The following GSK3B variants were observed in gnomAD, a reference collection of about 807,000 sequenced individuals.
GSK3B encodes the protein glycogen synthase kinase-3 beta.
Under a neutral mutation model 56.4 loss-of-function variants are expected in GSK3B, and 15 were observed. The observed-to-expected ratio is 0.27, with a 90% confidence interval of 0.18 to 0.41. GSK3B has a LOEUF of 0.41. GSK3B is among the 10% of genes least tolerant of loss of function. The pLI is 1.00. For missense variants in GSK3B, 300 were observed against 513.4 expected (o/e 0.58, Z 4.02); for synonymous variants, 181 against 188.9 (o/e 0.96, Z 0.34).
chr3:119,861,571 A>G (rs1577321903), intron 9 of GSK3B, among the ~76,000 whole-genome samples: 1 of 152,104 alleles, frequency 6.6e-6, no homozygotes, highest in Non-Finnish European at 1.5e-5. Flanking sequence ...ACAACAACAA[A>G]AAAACCCCAC....
At chr3:119,830,696 T>G (rs2055584918) in intron 10 of GSK3B, among the ~76,000 whole-genome samples, 3 of 152,228 alleles carry the variant, frequency 2.0e-5, no homozygotes, top group South Asian at 4.1e-4. Context: ...AACTTCACAC[T>G]GATACATCTT....
intron 7 of GSK3B, among the ~76,000 whole-genome samples, chr3:119,880,085 G>C (rs1156421278): frequency 1.3e-5 from 2 of 151,524 alleles, no homozygotes; most frequent in African/African-American, 4.9e-5. Context: ...ATCGCCACCA[G>C]CAACATAACA....
intron 2 of GSK3B, among the ~76,000 whole-genome samples, chr3:119,952,811 T>A (rs1420947487): frequency 1.3e-5 from 2 of 151,778 alleles, no homozygotes; most frequent in African/African-American, 4.8e-5. Context: ...ATCCTCACAC[T>A]TAAAAAAAAA....
At chr3:120,063,727 CAA>C (rs58811446) in intron 1 of GSK3B, among the ~76,000 whole-genome samples, 56 of 81,688 alleles carry the variant, frequency 6.9e-4, no homozygotes, top group East Asian at 9.8e-4. Context: ...GACTCTGTCT[CAA>C]AAAAAAAAAA....
chr3:119,967,834 T>TTCTCTTTC (rs375432398), intron 2 of GSK3B, among the ~76,000 whole-genome samples: 3 of 118,920 alleles, frequency 2.5e-5, no homozygotes, highest in Admixed American at 8.7e-5. Flanking sequence ...CTCTTTCTCT[T>TTCTCTTTC]TCTCTCTCTC....
At chr3:119,873,817 A>G (rs972530901) in intron 8 of GSK3B, among the ~76,000 whole-genome samples, 3 of 152,156 alleles carry the variant, frequency 2.0e-5, no homozygotes, top group Non-Finnish European at 2.9e-5. Context: ...AGGAACCAAC[A>G]TAAGTGCACT....
chr3:119,882,182 A>G lies in GSK3B; in HGVS notation c.814-5674T>C, dbSNP rs911682920. ...TTTTTTTTTTTACTTATAACCTAAG[A>G]ATATTCCTAATAGAAGCAAATCTGT... On this transcript the variant is annotated intron_variant, in intron 7 of 10. Transcript: ENST00000264235. 1.2e-4 allele frequency among the ~76,000 whole-genome samples: 18 copies of G among 152,164 alleles called. No individual in the cohort carries two copies. In the East Asian group the frequency reaches 3.5e-3, roughly 29 times the overall value.
At chr3:120,057,707 G>C (rs1191824616) in intron 1 of GSK3B, among the ~76,000 whole-genome samples, 1 of 152,102 alleles carries the variant, frequency 6.6e-6, no homozygotes. Flanking sequence ...AGAAATTTTA[G>C]GTATGTTCCA....
chr3:119,969,085 A>G (rs573396009), intron 2 of GSK3B, among the ~76,000 whole-genome samples: 1 of 152,282 alleles, frequency 6.6e-6, no homozygotes, highest in Admixed American at 6.5e-5. Flanking sequence ...TGAGGTCAGG[A>G]GTTCAAGACA....
At chr3:119,916,945 A>C (rs1310755465) in intron 4 of GSK3B, among the ~76,000 whole-genome samples, 1 of 152,170 alleles carries the variant, frequency 6.6e-6, no homozygotes, top group African/African-American at 2.4e-5. Context: ...CAGACTCTTG[A>C]CTGGAGGAGA....
chr3:120,062,664 A>C (rs1013364233), intron 1 of GSK3B, among the ~76,000 whole-genome samples: 2 of 152,206 alleles, frequency 1.3e-5, no homozygotes, highest in African/African-American at 2.4e-5. Flanking sequence ...AAGAATGAGG[A>C]GGTAGTCGCT....
chr3:119,931,744 C>T (rs998771868), intron 3 of GSK3B, among the ~76,000 whole-genome samples: 1 of 152,134 alleles, frequency 6.6e-6, no homozygotes, highest in African/African-American at 2.4e-5. Context: ...ATAACTGATA[C>T]TAGGTTTCCA....
At chr3:119,845,517 A>G (rs2055842835) in intron 9 of GSK3B, among the ~76,000 whole-genome samples, 1 of 152,024 alleles carries the variant, frequency 6.6e-6, no homozygotes, top group Non-Finnish European at 1.5e-5. Flanking sequence ...TTATACACCA[A>G]TAACAGACAG....
At position 119,977,778 on chromosome 3, in the gene GSK3B, G is replaced by GA. The variant is rs1169759157; in HGVS notation, c.282+24267dup. On this transcript the variant is annotated intron_variant, in intron 2 of 10. Coordinates refer to ENST00000264235, the MANE Select transcript of GSK3B (RefSeq NM_001146156.2). ...TAAGAGAGTATAAAACCAATAGGGGGAAAAAATTTGACGTATAGCAGTGTG... is the reference window on the plus strand; with the variant it reads ...TAAGAGAGTATAAAACCAATAGGGGGAAAAAAATTTGACGTATAGCAGTGTG... 1.2e-4 allele frequency among the ~76,000 whole-genome samples: 18 copies of GA among 152,222 alleles called. No individual in the cohort carries two copies. In the East Asian group the frequency reaches 3.5e-3, roughly 29 times the overall value.
At chr3:119,849,531 T>C (rs1368270789) in intron 9 of GSK3B, among the ~76,000 whole-genome samples, 1 of 152,230 alleles carries the variant, frequency 6.6e-6, no homozygotes, top group African/African-American at 2.4e-5. Flanking sequence ...CTGTGGTCCC[T>C]CTCCTTATGG....
chr3:119,843,918 T>G (rs575715197), intron 9 of GSK3B, among the ~76,000 whole-genome samples: 1 of 152,168 alleles, frequency 6.6e-6, no homozygotes, highest in South Asian at 2.1e-4. Context: ...GACCACATAA[T>G]TGGAAGTAAA....
intron 10 of GSK3B, among the ~76,000 whole-genome samples, chr3:119,830,236 T>C (rs2055577637): frequency 1.3e-5 from 2 of 152,184 alleles, no homozygotes; most frequent in Admixed American, 1.3e-4. Context: ...TCTTGGTGGC[T>C]GGGAAGAAAC....
intron 2 of GSK3B, among the ~76,000 whole-genome samples, chr3:119,990,261 G>A (rs1456115064): frequency 6.6e-6 from 1 of 150,840 alleles, no homozygotes; most frequent in African/African-American, 2.4e-5. Flanking sequence ...CCTCCTCCCA[G>A]AGAGATTCTA....
chr3:120,088,530 G>C (rs888555649), intron 1 of GSK3B, among the ~76,000 whole-genome samples: 1 of 152,080 alleles, frequency 6.6e-6, no homozygotes, highest in African/African-American at 2.4e-5. Context: ...AAGATAAAAT[G>C]CCAAGAGTGC....
Sources: gnomAD v4.1 joint callset for allele counts (sites outside exome capture counted in the v4.1 genomes callset) on GRCh38, gnomAD v4.1.1 for gene constraint, MANE v1.5 for transcripts, NCBI Gene and HGNC (gene_info 2026-07-23, HGNC 2026-07-21) for gene names.